ASTN2: variants seen among roughly 807,000 people sequenced by gnomAD.
ASTN2 encodes astrotactin 2.
In ASTN2, 54 loss-of-function variants were observed where a neutral mutation model predicts 139.8. That is an observed-to-expected ratio of 0.39 (90% confidence interval 0.31 to 0.48). The LOEUF is 0.48. Among genes scored for constraint, ASTN2 ranks in the 20% least tolerant of loss-of-function variants. The pLI, the probability that ASTN2 is intolerant of heterozygous loss-of-function variation, is 0.95. For synonymous variants in ASTN2, 756 were observed against 719.5 expected, an observed-to-expected ratio of 1.05 and a Z score of -0.81; for missense variants, 1,565 against 1,725.1, an observed-to-expected ratio of 0.91 and a Z score of 1.64.
chr9:116,693,718 T>C lies in ASTN2; in HGVS notation c.2806+32053A>G, dbSNP rs150981665. 3.4e-3 allele frequency among the ~76,000 whole-genome samples: 522 copies of C among 152,288 alleles called. 15 individuals carry two copies. Among genetic ancestry groups the C allele is most frequent in the Admixed American group, 0.032 (484 of 15,300 alleles). On this transcript the variant is annotated intron_variant, in intron 16 of 22. Coordinates refer to ENST00000313400, the MANE Select transcript of ASTN2 (RefSeq NM_001365068.1). ...TAGCATGTTGGATACTCATTCTGAT[T>C]GGTTGTACAGTTGATAGCTGGCAGA...
At chr9:116,728,142 A>T (rs1469939199) in intron 15 of ASTN2, among the ~76,000 whole-genome samples, 5 of 152,140 alleles carry the variant, frequency 3.3e-5, no homozygotes, top group African/African-American at 1.2e-4. Context: ...ATTTATTTTT[A>T]AAAATTCCTC....
intron 6 of ASTN2, among the ~76,000 whole-genome samples, chr9:117,019,265 G>A (rs865864916): frequency 6.6e-5 from 10 of 151,858 alleles, no homozygotes; most frequent in African/African-American, 1.7e-4. Flanking sequence ...GTAATACATC[G>A]TCATGACATT....
chr9:116,455,334 G>A (rs1396453799), intron 20 of ASTN2, among the ~76,000 whole-genome samples: 2 of 136,436 alleles, frequency 1.5e-5, no homozygotes, highest in Non-Finnish European at 3.1e-5. Flanking sequence ...GGGTGACAGA[G>A]TGCGATTCTG....
intron 19 of ASTN2, among the ~76,000 whole-genome samples, chr9:116,594,647 T>C (rs1465687752): frequency 6.6e-6 from 1 of 152,130 alleles, no homozygotes; most frequent in Non-Finnish European, 1.5e-5. Flanking sequence ...TGCTTCCCTA[T>C]TTTATGGGCC....
Position 116,908,659 on chromosome 9 carries a change from G to A in ASTN2, c.1890-44926C>T, listed in dbSNP as rs143161055. Among the ~76,000 whole-genome samples the A allele has an allele frequency of 2.0e-3, 308 of 152,324 alleles. 2 individuals carry two copies. Among genetic ancestry groups the A allele is most frequent in the Middle Eastern group, 0.01 (3 of 294 alleles). ...GCATCAAACTACAGAGAGAGGTGGG[G>A]AAAGAGCAGGGTGAGAATTAGCCCA... On this transcript the variant is annotated intron_variant, in intron 10 of 22. Coordinates refer to ENST00000313400, the MANE Select transcript of ASTN2 (RefSeq NM_001365068.1).
At chr9:117,267,590 T>A (rs979770706) in intron 2 of ASTN2, among the ~76,000 whole-genome samples, 1 of 152,164 alleles carries the variant, frequency 6.6e-6, no homozygotes, top group African/African-American at 2.4e-5. Context: ...TTTCTGCAAA[T>A]CTAAAATTAT....
At chr9:117,254,019 G>T (rs945244924) in intron 2 of ASTN2, among the ~76,000 whole-genome samples, 1 of 152,158 alleles carries the variant, frequency 6.6e-6, no homozygotes, top group Non-Finnish European at 1.5e-5. Context: ...GGCTGGGAGA[G>T]CTTGGAACTC....
At chr9:117,307,328 T>C (rs1019169247) in intron 1 of ASTN2, among the ~76,000 whole-genome samples, 5 of 152,206 alleles carry the variant, frequency 3.3e-5, no homozygotes, top group African/African-American at 1.2e-4. Flanking sequence ...ATACAGACAA[T>C]AATGCTACAG....
chr9:117,059,854 G>T (rs1433877328), intron 5 of ASTN2, among the ~76,000 whole-genome samples: 1 of 152,168 alleles, frequency 6.6e-6, no homozygotes, highest in African/African-American at 2.4e-5. Flanking sequence ...GGGCATTGGA[G>T]ATACAGGGAA....
In ASTN2 at chr9:117,025,987, A is replaced by G. The variant is rs1838064589; in HGVS notation, c.1423+13832T>C. Among the ~76,000 whole-genome samples, 3 of 151,238 alleles carry G rather than the reference A, an allele frequency of 2.0e-5. No individual in the cohort carries two copies. The South Asian group carries it at 6.3e-4, about 32-fold the overall frequency. ...ACTGTGTTGGTCAGGCTGGTCTCGAACTCCTGACCTCAAGTATTCTGCCCA... is the reference window on the plus strand; with the variant it reads ...ACTGTGTTGGTCAGGCTGGTCTCGAGCTCCTGACCTCAAGTATTCTGCCCA... On this transcript the variant is annotated intron_variant, in intron 6 of 22. Transcript: ENST00000313400.
At chr9:116,727,173 A>G (rs991679069) in intron 15 of ASTN2, among the ~76,000 whole-genome samples, 1 of 152,044 alleles carries the variant, frequency 6.6e-6, no homozygotes, top group Non-Finnish European at 1.5e-5. Context: ...TACTGTCTGC[A>G]CTTTCAACAT....
rs71377254 is a variant in ASTN2, at chr9:116,578,619, C to CGTGTGTGTGT, written c.3355+39695_3355+39704dup. On this transcript the variant is annotated intron_variant, in intron 19 of 22. Coordinates refer to ENST00000313400, the MANE Select transcript of ASTN2 (RefSeq NM_001365068.1). ...TTGAACCCAGGCCGTCTGGCTCCAA[C>CGTGTGTGTGT]GTGTGTGTGTGTGTGTGTGTGTGTG... Among the ~76,000 whole-genome samples the CGTGTGTGTGT allele has an allele frequency of 2.7e-3, 365 of 137,658 alleles. 3 individuals carry two copies. Among genetic ancestry groups the CGTGTGTGTGT allele is most frequent in the East Asian group, 0.016 (71 of 4,514 alleles). The allele number at this position is 137,658 out of a possible 152,430, so 90.3% of individuals were successfully genotyped here. A position where few individuals can be genotyped will look rare whatever the true frequency, so the allele number is the denominator to read the frequency against.
intron 1 of ASTN2, among the ~76,000 whole-genome samples, chr9:117,364,338 T>C (rs1022960450): frequency 1.3e-5 from 2 of 152,152 alleles, no homozygotes; most frequent in Admixed American, 6.5e-5. Context: ...AAGGGCTTGT[T>C]TTTCAAGCAT....
intron 7 of ASTN2, among the ~76,000 whole-genome samples, chr9:117,004,364 A>ACTTG (rs1421691595): frequency 6.6e-6 from 1 of 152,050 alleles, no homozygotes; most frequent in African/African-American, 2.4e-5. Flanking sequence ...CAAGCGATCC[A>ACTTG]CTTGCTTCAG....
intron 19 of ASTN2, among the ~76,000 whole-genome samples, chr9:116,520,438 C>T (rs994564409): frequency 1.3e-5 from 2 of 151,998 alleles, no homozygotes; most frequent in African/African-American, 4.8e-5. Context: ...AGGCATGTGA[C>T]AAAACCCAGC....
At chr9:116,839,319 A>T (rs1832119119) in intron 11 of ASTN2, among the ~76,000 whole-genome samples, 1 of 151,954 alleles carries the variant, frequency 6.6e-6, no homozygotes, top group African/African-American at 2.4e-5. Context: ...GGCTAATTTT[A>T]TTTTTATTTT....
chr9:116,970,984 C>G (rs971455608), intron 10 of ASTN2, among the ~76,000 whole-genome samples: 4 of 152,156 alleles, frequency 2.6e-5, no homozygotes, highest in African/African-American at 9.7e-5. Flanking sequence ...GCTTCTCCCT[C>G]CACAAGCATC....
chr9:116,443,940 C>T (rs1213244800), intron 20 of ASTN2, among the ~76,000 whole-genome samples: 3 of 152,098 alleles, frequency 2.0e-5, no homozygotes, highest in Admixed American at 1.3e-4. Flanking sequence ...GAATGCTGAG[C>T]CCTGATTGGC....
Position 116,733,342 on chromosome 9 carries a change from G to A in ASTN2, c.2521+57C>T, listed in dbSNP as rs531222228. ...TGCTGAAGACTGATATGCACTAGGT[G>A]TGGAGACTCGGTGTGTGGTCAGGGA... On this transcript the variant is annotated intron_variant, in intron 14 of 22. Transcript: ENST00000313400. 74 of 1,602,744 alleles carry A rather than the reference G, an allele frequency of 4.6e-5. No homozygotes were observed. The African/African-American group carries it at 9.3e-4, about 20-fold the overall frequency.
Sources: allele counts gnomAD v4.1 joint callset (sites outside exome capture counted in the v4.1 genomes callset), GRCh38; gene constraint gnomAD v4.1.1; transcripts MANE v1.5; gene names NCBI Gene and HGNC (gene_info 2026-07-23, HGNC 2026-07-21).